Variants in EPC1 observed in about 807,000 individuals in gnomAD.
EPC1 encodes the protein enhancer of polycomb homolog 1.
A neutral mutation model predicts 98.4 loss-of-function variants in EPC1; 12 were observed. The ratio of observed to expected loss-of-function variants is 0.12; its 90% confidence interval spans 0.08 to 0.20. EPC1 has a LOEUF of 0.20. EPC1 is among the 10% of genes least tolerant of loss of function. EPC1 has a pLI of 1.00. For missense variants in EPC1, 729 were observed against 990.5 expected, an observed-to-expected ratio of 0.74 and a Z score of 3.54; for synonymous variants, 357 against 363.9, an observed-to-expected ratio of 0.98 and a Z score of 0.21.
In EPC1 at chr10:32,287,139, G is replaced by C. The variant is rs751477699; in HGVS notation, c.1111C>G (p.Gln371Glu). The C allele has an allele frequency of 6.2e-7, 1 of 1,614,194 alleles. No homozygotes were observed. Among genetic ancestry groups the C allele is most frequent in the Admixed American group, 1.7e-5 (1 of 60,016 alleles). ...TCGTCTGAGCTGGGAAAGTCATACT[G>C]ATTCAGATCTTTAGCATTGAAGACT... Reference protein sequence around the residue: ...LPVFNAKDLNQYDFPSSDEEP... With the variant: ...LPVFNAKDLNEYDFPSSDEEP... The change falls in exon 7 of 14, where the codon CAG becomes GAG. Residue 371 changes from glutamine (Q) to glutamate (E), a missense_variant. This residue lies in a region of EPC1 where 390 missense variants were observed against 438.6 expected (regional missense o/e 0.89). Coordinates refer to ENST00000319778, the MANE Select transcript of EPC1 (RefSeq NM_001272004.3).
intron 1 of EPC1, chr10:32,374,216 A>C (rs1839825647): frequency 6.6e-6 from 1 of 152,134 alleles, no homozygotes; most frequent in South Asian, 2.1e-4. Context: ...TACCATTAGA[A>C]ATTATTACAG....
chr10:32,298,526 T>C (rs183856413), intron 2 of EPC1, among the ~76,000 whole-genome samples: 108 of 152,278 alleles, frequency 7.1e-4, no homozygotes, highest in African/African-American at 2.4e-3. Flanking sequence ...TGCAAAGCTC[T>C]TGATATCAAT....
At chr10:32,325,344 C>T (rs977600069) in intron 1 of EPC1, among the ~76,000 whole-genome samples, 2 of 152,202 alleles carry the variant, frequency 1.3e-5, no homozygotes, top group African/African-American at 4.8e-5. Context: ...ATACCTCACC[C>T]CACAATGGAT....
Position 32,372,510 on chromosome 10 carries a change from T to G in EPC1, c.3+5981A>C, listed in dbSNP as rs1246879287. On this transcript the variant is annotated intron_variant, in intron 1 of 13. Coordinates refer to the EPC1 transcript ENST00000375110. ...CTCTAGGCTTTGATCTTCTTTTCCCTGTAAAAATTTGTCTGAAAGAATTTC... is the reference window on the plus strand; with the variant it reads ...CTCTAGGCTTTGATCTTCTTTTCCCGGTAAAAATTTGTCTGAAAGAATTTC... Among the ~76,000 whole-genome samples, 4 of 152,366 alleles carry G rather than the reference T, an allele frequency of 2.6e-5. No individual in the cohort carries two copies. The East Asian group carries it at 7.7e-4, about 29-fold the overall frequency.
chr10:32,270,883 T>C lies in EPC1; in HGVS notation c.2369+671A>G, dbSNP rs977404697. Among the ~76,000 whole-genome samples the C allele has an allele frequency of 6.2e-4, 88 of 141,236 alleles. 1 individual carries two copies. In the Middle Eastern group the frequency reaches 0.015, roughly 23 times the overall value. The allele number at this position is 141,236 out of a possible 152,430, so 92.7% of individuals were successfully genotyped here. A position where few individuals can be genotyped will look rare whatever the true frequency, so the allele number is the denominator to read the frequency against. On this transcript the variant is annotated intron_variant, in intron 13 of 13. Coordinates refer to ENST00000319778, the MANE Select transcript of EPC1 (RefSeq NM_001272004.3). ...TAGCATACCAGTGATGGGGCAGGGG[T>C]TTCTATCAATTCTACCTGTTTACAT...
intron 1 of EPC1, among the ~76,000 whole-genome samples, chr10:32,371,008 G>C (rs1735590442): frequency 6.6e-6 from 1 of 152,166 alleles, no homozygotes; most frequent in Non-Finnish European, 1.5e-5. Context: ...GGTATGGAAG[G>C]ATGGCTTGAA....
chr10:32,335,062 C>T (rs906184749), intron 1 of EPC1, among the ~76,000 whole-genome samples: 3 of 152,264 alleles, frequency 2.0e-5, no homozygotes, highest in South Asian at 2.1e-4. Context: ...GGAGTTCAAG[C>T]GGTCATCACT....
intron 4 of EPC1, 111 bp from the exon 5 acceptor site, chr10:32,292,755 A>G: frequency 9.0e-7 from 1 of 1,110,462 alleles, no homozygotes; most frequent in Non-Finnish European, 1.2e-6. Flanking sequence ...ATTTAAAGAC[A>G]ATAAAAGGGA....
intron 2 of EPC1, among the ~76,000 whole-genome samples, chr10:32,299,606 A>AT (rs1244013381): frequency 1.3e-5 from 2 of 151,094 alleles, no homozygotes; most frequent in Non-Finnish European, 2.9e-5. Flanking sequence ...TGTTTTTCTG[A>AT]TTTTTTTCTC....
chr10:32,365,862 A>C (rs1409830908), intron 1 of EPC1, among the ~76,000 whole-genome samples: 3 of 134,592 alleles, frequency 2.2e-5, no homozygotes, highest in Non-Finnish European at 3.1e-5. Context: ...GGACAGGTGC[A>C]ATGGCTCAAA....
chr10:32,299,557 A>ATCATCG (rs765521116), intron 2 of EPC1, among the ~76,000 whole-genome samples: 1 of 151,346 alleles, frequency 6.6e-6, no homozygotes, highest in African/African-American at 2.4e-5. Flanking sequence ...CATCATCATC[A>ATCATCG]TCATCATTAT....
chr10:32,280,307 C>T (rs1836338031), intron 10 of EPC1, among the ~76,000 whole-genome samples: 1 of 150,916 alleles, frequency 6.6e-6, no homozygotes, highest in African/African-American at 2.4e-5. Flanking sequence ...CAAAAATTAG[C>T]TGGGTGTGGT....
chr10:32,306,034 G>C (rs1285563055), intron 1 of EPC1, 103 bp from the exon 2 acceptor site: 12 of 975,786 alleles, frequency 1.2e-5, no homozygotes, highest in Non-Finnish European at 1.7e-5. Context: ...TTAAAATAGA[G>C]AGATTCTAGT....
chr10:32,278,371 G>GTTTTTTTTTTT (rs58729377), intron 10 of EPC1, among the ~76,000 whole-genome samples: 15 of 102,596 alleles, frequency 1.5e-4, no homozygotes, highest in East Asian at 5.7e-4. Flanking sequence ...GTTTTTTTTT[G>GTTTTTTTTTTT]TTTTTTTTTT....
At chr10:32,271,953 AC>A (rs763254100) in intron 12 of EPC1, 36 bp from the exon 13 acceptor site, 1 of 1,602,988 alleles carries the variant, frequency 6.2e-7, no homozygotes, top group Admixed American at 1.7e-5. Flanking sequence ...TAAACAATGT[AC>A]AACTTTGCTG....
At chr10:32,279,102 G>A (rs974419564) in intron 10 of EPC1, among the ~76,000 whole-genome samples, 6 of 152,108 alleles carry the variant, frequency 3.9e-5, no homozygotes, top group African/African-American at 1.2e-4. Flanking sequence ...TGTAATCCCA[G>A]CGTTTTGGGA....
chr10:32,378,504 AAAG>A, exon 1 of EPC1: 2 of 1,546,544 alleles, frequency 1.3e-6, no homozygotes, highest in South Asian at 2.4e-5. Context: ...TAGTGCAGGC[AAAG>A]AAGACGGCAG....
At chr10:32,323,579 C>T (rs1447785023) in intron 1 of EPC1, among the ~76,000 whole-genome samples, 1 of 152,182 alleles carries the variant, frequency 6.6e-6, no homozygotes, top group East Asian at 1.9e-4. Flanking sequence ...TATTCAACAG[C>T]ACACAATGAT....
At chr10:32,316,562 T>C (rs1462987765) in intron 1 of EPC1, among the ~76,000 whole-genome samples, 1 of 152,148 alleles carries the variant, frequency 6.6e-6, no homozygotes, top group African/African-American at 2.4e-5. Flanking sequence ...TAAAAATAGC[T>C]TCGCACAAAG....
Sources: gnomAD v4.1 joint callset for allele counts (sites outside exome capture counted in the v4.1 genomes callset) on GRCh38, gnomAD v4.1.1 for gene constraint, gnomAD v4.1.1 regional missense constraint, MANE v1.5 for transcripts, NCBI Gene and HGNC (gene_info 2026-07-23, HGNC 2026-07-21) for gene names.